Variants in MSRA observed in about 807,000 individuals in gnomAD.
The protein encoded by MSRA is methionine sulfoxide reductase A, also known as mitochondrial peptide methionine sulfoxide reductase.
Under a neutral mutation model 31.3 loss-of-function variants are expected in MSRA, and 54 were observed. That is an observed-to-expected ratio of 1.73 (90% confidence interval 1.39 to 2.17). The LOEUF is 2.17. MSRA is among the 30% of genes most tolerant of loss of function. The pLI is 0.00. For synonymous variants in MSRA, 169 were observed against 116.5 expected, an observed-to-expected ratio of 1.45 and a Z score of -2.90; for missense variants, 507 against 300.9, an observed-to-expected ratio of 1.69 and a Z score of -5.07.
In MSRA at chr8:10,054,682, C is replaced by G. The variant is rs770345340; in HGVS notation, c.142+24C>G. On this transcript the variant is annotated intron_variant, in intron 1 of 5. Transcript: ENST00000317173. The stretch of plus-strand genomic sequence containing the variant: ...GGGTAAGCACTGGCCACACGGAAGG[C>G]GCGGGCGGCGACGCTGCGCATGCGC... 4 of 1,488,530 alleles carry G rather than the reference C, an allele frequency of 2.7e-6. No individual in the cohort carries two copies. In the African/African-American group the frequency reaches 4.3e-5, roughly 16 times the overall value. 92.2% of individuals were successfully genotyped at this position (1,488,530 alleles called of 1,614,324 possible). A position where few individuals can be genotyped will look rare whatever the true frequency, so the allele number is the denominator to read the frequency against.
chr8:10,139,375 TA>T (rs1189663582), intron 1 of MSRA, among the ~76,000 whole-genome samples: 1 of 152,218 alleles, frequency 6.6e-6, no homozygotes, highest in East Asian at 1.9e-4. Flanking sequence ...TATTTTCACT[TA>T]TTTTTTATAC....
At chr8:10,225,353 T>G (rs1288418628) in intron 2 of MSRA, among the ~76,000 whole-genome samples, 3 of 152,198 alleles carry the variant, frequency 2.0e-5, no homozygotes, top group African/African-American at 7.2e-5. Context: ...TGCATTATGA[T>G]TAGAGATTGA....
intron 3 of MSRA, among the ~76,000 whole-genome samples, chr8:10,266,367 C>T (rs1384378183): frequency 1.3e-5 from 2 of 152,216 alleles, no homozygotes; most frequent in Admixed American, 6.5e-5. Context: ...TTGTCATGAA[C>T]TTACTTGCCA....
At chr8:10,066,852 G>C (rs893574457) in intron 1 of MSRA, among the ~76,000 whole-genome samples, 6 of 150,738 alleles carry the variant, frequency 4.0e-5, no homozygotes, top group African/African-American at 1.5e-4. Context: ...TATATCTTTA[G>C]TATGTTCTTT....
At chr8:10,383,110 C>G (rs150608041) in intron 5 of MSRA, among the ~76,000 whole-genome samples, 398 of 152,292 alleles carry the variant, frequency 2.6e-3, no homozygotes, top group Non-Finnish European at 4.0e-3. Flanking sequence ...GGCTCAGGAT[C>G]ATAGATCCAG....
intron 3 of MSRA, among the ~76,000 whole-genome samples, chr8:10,249,816 A>G (rs933465192): frequency 6.6e-6 from 1 of 152,214 alleles, no homozygotes; most frequent in African/African-American, 2.4e-5. Context: ...AGAGTCATCC[A>G]TCCATTTCTG....
intron 1 of MSRA, among the ~76,000 whole-genome samples, chr8:10,095,303 A>G (rs865927665): frequency 2.0e-5 from 3 of 152,192 alleles, no homozygotes; most frequent in Middle Eastern, 3.4e-3. Flanking sequence ...GGCTTCTAGT[A>G]CTCCATTATT....
At chr8:10,236,178 G>T (rs1585237593) in intron 2 of MSRA, among the ~76,000 whole-genome samples, 1 of 152,250 alleles carries the variant, frequency 6.6e-6, no homozygotes, top group East Asian at 1.9e-4. Context: ...ATATTTATTG[G>T]ATCCTTCCCA....
intron 1 of MSRA, among the ~76,000 whole-genome samples, chr8:10,162,437 G>A (rs1804747527): frequency 6.6e-6 from 1 of 152,144 alleles, no homozygotes; most frequent in Non-Finnish European, 1.5e-5. Context: ...AACCTACATT[G>A]AGTGCCAACT....
At chr8:10,096,512 G>A (rs1799166312) in intron 1 of MSRA, among the ~76,000 whole-genome samples, 1 of 152,130 alleles carries the variant, frequency 6.6e-6, no homozygotes, top group Non-Finnish European at 1.5e-5. Flanking sequence ...TAAATCTTTT[G>A]GAGAAGAAGT....
intron 5 of MSRA, among the ~76,000 whole-genome samples, chr8:10,369,442 G>A (rs1410383843): frequency 1.3e-5 from 2 of 152,162 alleles, no homozygotes; most frequent in Non-Finnish European, 2.9e-5. Context: ...AATATAATTA[G>A]AGCAAACAAA....
At chr8:10,216,082 C>A (rs534931197) in intron 2 of MSRA, among the ~76,000 whole-genome samples, 1 of 152,080 alleles carries the variant, frequency 6.6e-6, no homozygotes, top group Non-Finnish European at 1.5e-5. Flanking sequence ...AAGAAAAATA[C>A]GGAGCAATCA....
chr8:10,287,743 T>C (rs145586781), intron 3 of MSRA, among the ~76,000 whole-genome samples: 1 of 152,130 alleles, frequency 6.6e-6, no homozygotes, highest in African/African-American at 2.4e-5. Context: ...GACCTGGATA[T>C]CCTACAGGTG....
intron 5 of MSRA, among the ~76,000 whole-genome samples, chr8:10,328,769 A>G (rs911490731): frequency 6.6e-6 from 1 of 152,242 alleles, no homozygotes; most frequent in Admixed American, 6.5e-5. Flanking sequence ...ATAAGGCTCA[A>G]GAACTTTCCA....
At chr8:10,382,147 G>A (rs1411910930) in intron 5 of MSRA, among the ~76,000 whole-genome samples, 1 of 152,214 alleles carries the variant, frequency 6.6e-6, no homozygotes, top group African/African-American at 2.4e-5. Context: ...TGTTGCAGCT[G>A]CAGGCCTTTG....
chr8:10,096,932 AAT>A (rs1799195342), intron 1 of MSRA, among the ~76,000 whole-genome samples: 1 of 152,188 alleles, frequency 6.6e-6, no homozygotes, highest in African/African-American at 2.4e-5. Flanking sequence ...ATGCCGAAAG[AAT>A]ACAGGAAAAT....
chr8:10,242,227 C>T (rs565714746), intron 2 of MSRA, among the ~76,000 whole-genome samples: 22 of 150,874 alleles, frequency 1.5e-4, no homozygotes, highest in Admixed American at 4.6e-4. Flanking sequence ...GCCGAGATTG[C>T]GCCACTGAAC....
At chr8:10,163,442 G>A (rs541060794) in intron 1 of MSRA, among the ~76,000 whole-genome samples, 39 of 152,316 alleles carry the variant, frequency 2.6e-4, no homozygotes, top group African/African-American at 8.9e-4. Context: ...TTAATCAGCT[G>A]CCGCTGCTTG....
At chr8:10,180,435 A>T (rs995338915) in intron 1 of MSRA, among the ~76,000 whole-genome samples, 12 of 152,112 alleles carry the variant, frequency 7.9e-5, no homozygotes, top group Admixed American at 2.0e-4. Context: ...AGGCTTCATT[A>T]TGTAGGAGTG....
Sources: gnomAD v4.1 joint callset for allele counts (sites outside exome capture counted in the v4.1 genomes callset) on GRCh38, gnomAD v4.1.1 for gene constraint, MANE v1.5 for transcripts, NCBI Gene and HGNC (gene_info 2026-07-23, HGNC 2026-07-21) for gene names.